Variants in RASSF2 observed in about 807,000 individuals in gnomAD.
RASSF2 encodes the protein Ras association domain family member 2.
A neutral mutation model predicts 46.3 loss-of-function variants in RASSF2; 34 were observed. The observed-to-expected ratio is 0.73, with a 90% CI of 0.56 to 0.98. The LOEUF (loss-of-function observed/expected upper bound fraction) is 0.98, where lower values mean the gene tolerates loss of function less well. Among genes scored for constraint, RASSF2 ranks in the 50% least tolerant of loss-of-function variants. RASSF2 has a pLI of 0.00. For missense variants in RASSF2, 364 were observed against 431.2 expected (o/e 0.84, Z 1.38); for synonymous variants, 158 against 162.5 (o/e 0.97, Z 0.21).
chr20:4,787,020 T>G (rs2122424395), intron 10 of RASSF2, among the ~76,000 whole-genome samples: 1 of 150,766 alleles, frequency 6.6e-6, no homozygotes, highest in African/African-American at 2.4e-5. Context: ...GAGGTGCCAC[T>G]GCACTCCAGC....
At position 4,800,794 on chromosome 20, in the gene RASSF2, G is replaced by A. The variant is rs142747685; in HGVS notation, c.59+178C>T. Among the ~76,000 whole-genome samples the A allele has an allele frequency of 2.1e-3, 322 of 152,140 alleles. 1 individual carries two copies. Among genetic ancestry groups the A allele is most frequent in the African/African-American group, 7.4e-3 (307 of 41,522 alleles). ...CTCTCGGGACATGTTTTTATCTATA[G>A]CAGCAGCCCTGACGCTCTTACAAGT... On this transcript the variant is annotated intron_variant, in intron 3 of 11. Coordinates refer to ENST00000379400, the MANE Select transcript of RASSF2 (RefSeq NM_014737.3).
intron 11 of RASSF2, among the ~76,000 whole-genome samples, chr20:4,785,183 GA>G (rs1187353450): frequency 1.4e-5 from 2 of 145,558 alleles, no homozygotes; most frequent in Admixed American, 1.4e-4. Flanking sequence ...AAGAAAGAAA[GA>G]AAAAAATAGC....
In RASSF2 at chr20:4,789,717, G is replaced by C. The variant is rs772644975; in HGVS notation, c.538-20C>G. 24 of 1,603,976 alleles carry C rather than the reference G, an allele frequency of 1.5e-5. No individual in the cohort carries two copies. The highest frequency in any genetic ancestry group is 1.3e-4 in the African/African-American group (10 of 74,704). ...GGATGTCTGTCAATAGAAGGGCCCA[G>C]CTCAGGGTGGGAGTGGGAACAAGGA... On this transcript the variant is annotated intron_variant, in intron 7 of 11. Coordinates refer to ENST00000379400, the MANE Select transcript of RASSF2 (RefSeq NM_014737.3).
At chr20:4,784,457 G>A (rs1925113233) in intron 11 of RASSF2, 115 bp from the exon 12 acceptor site, 1 of 906,012 alleles carries the variant, frequency 1.1e-6, no homozygotes, top group Non-Finnish European at 1.8e-6. Context: ...GCAGTCAAGT[G>A]CCCTGCTCCT....
intron 3 of RASSF2, 151 bp downstream of exon 3, chr20:4,800,821 C>A: frequency 1.4e-6 from 1 of 695,326 alleles, no homozygotes; most frequent in Non-Finnish European, 2.6e-6. Context: ...CTTACAAGTC[C>A]AAGTTCAGCT....
At chr20:4,801,774 C>T (rs1926891175) in intron 2 of RASSF2, among the ~76,000 whole-genome samples, 1 of 152,094 alleles carries the variant, frequency 6.6e-6, no homozygotes, top group South Asian at 2.1e-4. Context: ...GTCTCACTCT[C>T]TTCGCCCAGG....
chr20:4,803,445 A>C (rs1459735275), intron 2 of RASSF2, among the ~76,000 whole-genome samples: 1 of 152,156 alleles, frequency 6.6e-6, no homozygotes, highest in Admixed American at 6.5e-5. Context: ...TTTGAACTAC[A>C]GAACTGTGAG....
chr20:4,818,108 A>T (rs1928437313), intron 2 of RASSF2, among the ~76,000 whole-genome samples: 1 of 152,150 alleles, frequency 6.6e-6, no homozygotes, highest in Non-Finnish European at 1.5e-5. Flanking sequence ...ATCTACTAAA[A>T]ATACAAAAAT....
At chr20:4,821,435 A>G (rs897216048) in intron 2 of RASSF2, among the ~76,000 whole-genome samples, 1 of 152,116 alleles carries the variant, frequency 6.6e-6, no homozygotes, top group African/African-American at 2.4e-5. Context: ...CTTCCCCTGG[A>G]GGAAGGCACG....
rs891733356 is a variant in RASSF2, at chr20:4,795,957, C to T, written c.145G>A (p.Glu49Lys). Residue 49 changes from glutamate to lysine, a missense_variant, in exon 5 of 12, where the codon GAG becomes AAG. Coordinates refer to ENST00000379400, the MANE Select transcript of RASSF2 (RefSeq NM_014737.3). This position sits in a 1 kb window ranked among gnomAD's most constrained non-coding sequence, Gnocchi z 4.0. ...LQLRHREEEDEFIVEGLLNIS... is the reference protein window; with the variant it reads ...LQLRHREEEDKFIVEGLLNIS... ...TTCAGGAGCCCCTCCACAATGAACT[C>T]GTCTTCTTCCTGCCCACAAAGCAAT... is the stretch of plus-strand genomic sequence containing the variant. The T allele has an allele frequency of 2.0e-6, 3 of 1,519,212 alleles. No homozygotes were observed. Among genetic ancestry groups the T allele is most frequent in the Admixed American group, 2.0e-5 (1 of 48,964 alleles). The allele number at this position is 1,519,212 out of a possible 1,614,324, so 94.1% of individuals were successfully genotyped here.
At chr20:4,797,883 C>T in intron 4 of RASSF2, 127 bp downstream of exon 4, 1 of 1,445,978 alleles carries the variant, frequency 6.9e-7, no homozygotes, top group Non-Finnish European at 9.2e-7. Context: ...CAAGGACTCT[C>T]ACTAGCAACC....
intron 2 of RASSF2, among the ~76,000 whole-genome samples, chr20:4,808,433 G>A (rs1160067681): frequency 1.3e-5 from 2 of 151,768 alleles, no homozygotes; most frequent in East Asian, 3.8e-4. Context: ...CACAGAGAAA[G>A]GAGAAGAGGG....
Position 4,793,771 on chromosome 20 carries a change from C to T in RASSF2, c.288-1144G>A, listed in dbSNP as rs531440147. ...CTGGGATTATAGGCACGATCCACCA[C>T]GCACAGCCTCAGGATCCTTCTTAAG... On this transcript the variant is annotated intron_variant, in intron 5 of 11. Transcript: ENST00000379400. Among the ~76,000 whole-genome samples the T allele has an allele frequency of 1.2e-4, 19 of 152,228 alleles. 1 individual carries two copies. Among genetic ancestry groups the T allele is most frequent in the East Asian group, 9.7e-4 (5 of 5,176 alleles).
intron 2 of RASSF2, among the ~76,000 whole-genome samples, chr20:4,813,743 G>A (rs2122659815): frequency 6.6e-6 from 1 of 152,254 alleles, no homozygotes; most frequent in South Asian, 2.1e-4. Context: ...GTGGGTGTGA[G>A]CATAGCTCCC....
intron 4 of RASSF2, among the ~76,000 whole-genome samples, chr20:4,797,400 C>T (rs903683689): frequency 2.0e-5 from 3 of 152,188 alleles, no homozygotes; most frequent in Non-Finnish European, 4.4e-5. Context: ...TTATCAGTCA[C>T]AGGCGCTTGA....
At chr20:4,815,211 T>C (rs1370509251) in intron 2 of RASSF2, 1 of 152,288 alleles carries the variant, frequency 6.6e-6, no homozygotes, top group Non-Finnish European at 1.5e-5. Context: ...TTCCCTGTTC[T>C]GGGTCCCGCA....
At chr20:4,815,080 G>T (rs1045841069) in intron 2 of RASSF2, 2 of 152,232 alleles carry the variant, frequency 1.3e-5, no homozygotes, top group East Asian at 1.9e-4. Context: ...TGGAGGAGCC[G>T]TGGGCGCTTC....
intron 2 of RASSF2, among the ~76,000 whole-genome samples, chr20:4,803,711 C>T (rs1927088771): frequency 6.6e-6 from 1 of 151,752 alleles, no homozygotes; most frequent in South Asian, 2.1e-4. Flanking sequence ...GAGCTATGAT[C>T]ATACCACTGC....
rs1924743650 is a variant in RASSF2 at position 4,780,879 on chromosome 20, G to A, written c.*3394C>T. On this transcript the variant is annotated 3_prime_UTR_variant, in exon 12 of 12. Transcript: ENST00000379400. ...AGCTACTTGGGAGGCTGAGACAGGA[G>A]AATCACTTGAACCCCAGAGGCGGAT... 1 of 151,576 alleles carries A rather than the reference G, an allele frequency of 6.6e-6. No homozygotes were observed. The highest frequency in any genetic ancestry group is 2.1e-4 in the South Asian group (1 of 4,810). 9.4% of individuals were successfully genotyped at this position (151,576 alleles called of 1,614,324 possible). A position where few individuals can be genotyped will look rare whatever the true frequency, so the allele number is the denominator to read the frequency against.
Sources: gnomAD v4.1 joint callset for allele counts (sites outside exome capture counted in the v4.1 genomes callset) on GRCh38, gnomAD v4.1.1 for gene constraint, Gnocchi (gnomAD v3.1) non-coding constraint, MANE v1.5 for transcripts, NCBI Gene and HGNC (gene_info 2026-07-23, HGNC 2026-07-21) for gene names.